NFIB: variants seen among roughly 807,000 people sequenced by gnomAD.
NFIB encodes the protein nuclear factor I B.
A neutral mutation model predicts 61.5 loss-of-function variants in NFIB; 11 were observed. The observed-to-expected ratio is 0.18, with a 90% CI of 0.11 to 0.30. The LOEUF (loss-of-function observed/expected upper bound fraction) is 0.30, where lower values mean the gene tolerates loss of function less well. Ranked by LOEUF, NFIB falls within the 10% of genes least tolerant of loss-of-function variation. NFIB has a pLI of 1.00. For synonymous variants in NFIB, 260 were observed against 216.5 expected (o/e 1.20, Z -1.76); for missense variants, 471 against 608.9 (o/e 0.77, Z 2.38).
intron 1 of NFIB, among the ~76,000 whole-genome samples, chr9:14,325,533 A>G (rs1250069979): frequency 1.3e-5 from 2 of 152,164 alleles, no homozygotes; most frequent in Non-Finnish European, 2.9e-5. Context: ...GCTTTATATC[A>G]TAATTGAAGT....
chr9:14,407,061 T>G, the NFIB span, among the ~76,000 whole-genome samples: 2 of 152,242 alleles, frequency 1.3e-5, no homozygotes, highest in Non-Finnish European at 2.9e-5. Flanking sequence ...GTGGCCCTCT[T>G]GGCAACCCTG....
chr9:14,526,210 C>A, the NFIB span, among the ~76,000 whole-genome samples: 1 of 152,046 alleles, frequency 6.6e-6, no homozygotes, highest in African/African-American at 2.4e-5. Flanking sequence ...AAAAAGCTCT[C>A]TGAATAAAGT....
chr9:14,190,265 TAAAAATA>T (rs1285245540), intron 2 of NFIB, among the ~76,000 whole-genome samples: 1 of 152,176 alleles, frequency 6.6e-6, no homozygotes, highest in Non-Finnish European at 1.5e-5. Context: ...TATATTCATA[TAAAAATA>T]AATGTATACA....
chr9:14,208,679 T>C (rs528104856), intron 2 of NFIB, among the ~76,000 whole-genome samples: 95 of 152,224 alleles, frequency 6.2e-4, no homozygotes, highest in Non-Finnish European at 1.2e-3. Flanking sequence ...ATCCTGGAAG[T>C]TTCCCTCATT....
chr9:14,460,236 G>C, the NFIB span, among the ~76,000 whole-genome samples: 1 of 152,126 alleles, frequency 6.6e-6, no homozygotes, highest in Non-Finnish European at 1.5e-5. Flanking sequence ...GATGAAGCTG[G>C]AAACCATGAT....
intron 1 of NFIB, among the ~76,000 whole-genome samples, chr9:14,337,135 T>C (rs1404851922): frequency 6.6e-6 from 1 of 152,200 alleles, no homozygotes; most frequent in African/African-American, 2.4e-5. Flanking sequence ...TTGTGGGTGA[T>C]AGTTTTCTGG....
intron 2 of NFIB, among the ~76,000 whole-genome samples, chr9:14,289,151 T>C (rs1441160053): frequency 2.7e-5 from 4 of 148,654 alleles, no homozygotes. Context: ...CATATATATA[T>C]ATTTGGTATG....
At chr9:14,295,129 ATTAT>A (rs1308486284) in intron 2 of NFIB, among the ~76,000 whole-genome samples, 1 of 152,252 alleles carries the variant, frequency 6.6e-6, no homozygotes, top group African/African-American at 2.4e-5. Context: ...AGCTCATTTA[ATTAT>A]TTAATTTTCT....
At chr9:14,169,826 AAAC>A (rs2045365195) in intron 3 of NFIB, among the ~76,000 whole-genome samples, 2 of 152,192 alleles carry the variant, frequency 1.3e-5, no homozygotes, top group South Asian at 2.1e-4. Flanking sequence ...TCAAACAAAC[AAAC>A]AACAGTCAAA....
chr9:14,146,671 C>T lies in NFIB; in HGVS notation c.925+18G>A, dbSNP rs532687183. The T allele has an allele frequency of 6.8e-6, 11 of 1,612,830 alleles. No homozygotes were observed. In the Admixed American group the frequency reaches 1.0e-4, roughly 15 times the overall value. ...ACATTTTACTCATGGTCTCTAGAGGCATCTCCTTATTACTCACCTTGATCT... is the reference window on the plus strand; with the variant it reads ...ACATTTTACTCATGGTCTCTAGAGGTATCTCCTTATTACTCACCTTGATCT... On this transcript the variant is annotated intron_variant, in intron 6 of 10. Transcript: ENST00000380953.
chr9:14,122,136 G>T (rs1586836346), intron 7 of NFIB, among the ~76,000 whole-genome samples: 1 of 107,526 alleles, frequency 9.3e-6, no homozygotes, highest in Non-Finnish European at 1.7e-5. Context: ...CCTACAAAGG[G>T]AAATCACCTA....
intron 2 of NFIB, among the ~76,000 whole-genome samples, chr9:14,290,655 A>G (rs1177416911): frequency 6.6e-6 from 1 of 152,126 alleles, no homozygotes; most frequent in Non-Finnish European, 1.5e-5. Context: ...CTCATTCTTA[A>G]CATTAAAAAT....
the NFIB span, among the ~76,000 whole-genome samples, chr9:14,463,637 A>G: frequency 2.7e-5 from 4 of 147,820 alleles, no homozygotes; most frequent in African/African-American, 1.0e-4. Flanking sequence ...GATCATTTAC[A>G]TGACTGAAGT....
At chr9:14,437,648 A>C in the NFIB span, among the ~76,000 whole-genome samples, 1 of 152,288 alleles carries the variant, frequency 6.6e-6, no homozygotes, top group South Asian at 2.1e-4. Flanking sequence ...AATGGATTCT[A>C]ACAGAGGAGC....
chr9:14,146,684 C>G lies in NFIB; in HGVS notation c.925+5G>C. 6.2e-7 allele frequency: 1 copy of G among 1,612,990 alleles called. No individual in the cohort carries two copies. On this transcript the variant is annotated splice_donor_5th_base_variant and intron_variant, in intron 6 of 10. Transcript: ENST00000380953. ...GGTCTCTAGAGGCATCTCCTTATTA[C>G]TCACCTTGATCTCTTTCGTGCCATG... is the stretch of plus-strand genomic sequence containing the variant.
At chr9:14,127,897 T>G (rs1268571636) in intron 6 of NFIB, among the ~76,000 whole-genome samples, 2 of 147,396 alleles carry the variant, frequency 1.4e-5, no homozygotes, top group African/African-American at 5.0e-5. Flanking sequence ...ATCAGAACTT[T>G]GATGAGTCAG....
chr9:14,172,494 T>G (rs1401719168), intron 3 of NFIB, among the ~76,000 whole-genome samples: 2 of 152,180 alleles, frequency 1.3e-5, no homozygotes, highest in African/African-American at 4.8e-5. Context: ...GATAAATTCT[T>G]GGTAGGAAAA....
chr9:14,090,214 C>T (rs893109782), intron 10 of NFIB, among the ~76,000 whole-genome samples: 6 of 152,062 alleles, frequency 3.9e-5, no homozygotes, highest in Admixed American at 3.3e-4. Flanking sequence ...ATTGATTAAG[C>T]AGGAATAATC....
At chr9:14,341,624 G>T (rs1362589643) in intron 1 of NFIB, among the ~76,000 whole-genome samples, 1 of 152,198 alleles carries the variant, frequency 6.6e-6, no homozygotes, top group African/African-American at 2.4e-5. Context: ...CAGGAAGCCA[G>T]TGAAATGTGG....
Sources: allele counts gnomAD v4.1 joint callset (sites outside exome capture counted in the v4.1 genomes callset), GRCh38; gene constraint gnomAD v4.1.1; transcripts MANE v1.5; gene names NCBI Gene and HGNC (gene_info 2026-07-23, HGNC 2026-07-21).